LINGO2: variants seen among roughly 807,000 people sequenced by gnomAD.
LINGO2 encodes the protein leucine-rich repeat and immunoglobulin-like domain-containing nogo receptor-interacting protein 2.
Under a neutral mutation model 30.6 loss-of-function variants are expected in LINGO2, and 14 were observed. That is an observed-to-expected ratio of 0.46 (90% CI 0.30 to 0.72). The LOEUF (loss-of-function observed/expected upper bound fraction) is 0.72. LINGO2 is among the 30% of genes least tolerant of loss of function. The pLI is 0.07. For missense variants in LINGO2, 729 were observed against 751.7 expected (o/e 0.97, Z 0.35); for synonymous variants, 317 against 288.5 (o/e 1.10, Z -1.00).
intron 1 of LINGO2, among the ~76,000 whole-genome samples, chr9:28,585,133 A>C (rs4879253): frequency 2.0e-5 from 3 of 152,040 alleles, no homozygotes; most frequent in African/African-American, 7.2e-5. Flanking sequence ...AATTCGTTTC[A>C]TGTAAATGAC....
chr9:28,317,024 G>A (rs1267600290), intron 3 of LINGO2, among the ~76,000 whole-genome samples: 1 of 152,110 alleles, frequency 6.6e-6, no homozygotes. Context: ...TTATCCTTAT[G>A]TTGAAGAGGT....
intron 1 of LINGO2, among the ~76,000 whole-genome samples, chr9:28,577,296 T>TGTC (rs1273931892): frequency 1.3e-5 from 2 of 151,900 alleles, no homozygotes; most frequent in Non-Finnish European, 2.9e-5. Flanking sequence ...TCTTTTGAGT[T>TGTC]GTCTTTTCAG....
At chr9:28,607,146 C>T (rs1825728776) in intron 1 of LINGO2, among the ~76,000 whole-genome samples, 1 of 151,950 alleles carries the variant, frequency 6.6e-6, no homozygotes, top group Non-Finnish European at 1.5e-5. Context: ...CACAATGATC[C>T]ATTGGTGACC....
At chr9:28,844,459 G>A in the LINGO2 span, among the ~76,000 whole-genome samples, 1 of 151,880 alleles carries the variant, frequency 6.6e-6, no homozygotes, top group Admixed American at 6.5e-5. Flanking sequence ...TGACTGAGGA[G>A]TGTTTTTTAA....
chr9:28,588,401 A>G (rs181337435), intron 1 of LINGO2, among the ~76,000 whole-genome samples: 10 of 152,012 alleles, frequency 6.6e-5, no homozygotes, highest in African/African-American at 2.4e-4. Context: ...GTTATCCAGT[A>G]GGATAACAAT....
At chr9:29,010,667 C>CTACT in the LINGO2 span, among the ~76,000 whole-genome samples, 1 of 152,062 alleles carries the variant, frequency 6.6e-6, no homozygotes, top group African/African-American at 2.4e-5. Context: ...GAATCTAAAA[C>CTACT]TACTACTCAA....
At chr9:28,966,927 T>C in the LINGO2 span, among the ~76,000 whole-genome samples, 1 of 152,094 alleles carries the variant, frequency 6.6e-6, no homozygotes. Context: ...AATTGAGTCC[T>C]CCCTTTACTT....
intron 4 of LINGO2, among the ~76,000 whole-genome samples, chr9:28,030,757 C>T (rs1823626636): frequency 6.6e-6 from 1 of 151,934 alleles, no homozygotes. Context: ...ATCAACAGCA[C>T]ACTACATTGT....
the LINGO2 span, among the ~76,000 whole-genome samples, chr9:28,955,703 A>G: frequency 6.6e-6 from 1 of 152,146 alleles, no homozygotes; most frequent in Admixed American, 6.6e-5. Flanking sequence ...AGAACTAAAC[A>G]TATAATTTTC....
At chr9:28,722,178 TG>T in the LINGO2 span, among the ~76,000 whole-genome samples, 2 of 152,112 alleles carry the variant, frequency 1.3e-5, no homozygotes, top group Non-Finnish European at 2.9e-5. Context: ...AAATAAAACT[TG>T]AAAATTGCCT....
At chr9:29,212,605 A>G in the LINGO2 span, among the ~76,000 whole-genome samples, 1 of 151,944 alleles carries the variant, frequency 6.6e-6, no homozygotes, top group South Asian at 2.1e-4. Flanking sequence ...AAAATTTAAA[A>G]AAAAAACCTC....
At chr9:28,057,640 A>ACACATATATATATAT (rs1235437530) in intron 4 of LINGO2, among the ~76,000 whole-genome samples, 3 of 97,678 alleles carry the variant, frequency 3.1e-5, no homozygotes, top group Non-Finnish European at 7.2e-5. Context: ...CACATATATA[A>ACACATATATATATAT]ACCTGTTCAA....
At chr9:28,831,511 T>C in the LINGO2 span, among the ~76,000 whole-genome samples, 10 of 152,198 alleles carry the variant, frequency 6.6e-5, no homozygotes, top group South Asian at 2.1e-3. Context: ...TAGTAGGTAG[T>C]ATAGAGCAGA....
chr9:28,717,032 C>A, the LINGO2 span, among the ~76,000 whole-genome samples: 2 of 151,900 alleles, frequency 1.3e-5, no homozygotes, highest in Non-Finnish European at 2.9e-5. Context: ...GCTGTAAAAA[C>A]AACCAAAGGG....
intron 1 of LINGO2, among the ~76,000 whole-genome samples, chr9:28,519,633 C>G (rs1289886903): frequency 6.6e-6 from 1 of 152,176 alleles, no homozygotes; most frequent in Non-Finnish European, 1.5e-5. Context: ...GTTGTAGAGT[C>G]ATAGAACTGC....
In LINGO2 at chr9:28,315,171, G is replaced by C. The variant is rs1036677400; in HGVS notation, c.-245-19805C>G. On this transcript the variant is annotated intron_variant, in intron 3 of 5. Transcript: ENST00000379992. ...TGTAATCCCAGCACTCTGGGAAGCT[G>C]AGGCGGGAGGATTACAAGGTCAGGA... 1.4e-4 allele frequency among the ~76,000 whole-genome samples: 22 copies of C among 152,016 alleles called. 1 individual carries two copies. Among genetic ancestry groups the C allele is most frequent in the Middle Eastern group, 3.2e-3 (1 of 316 alleles).
the LINGO2 span, among the ~76,000 whole-genome samples, chr9:29,202,146 CAT>C: frequency 1.3e-5 from 2 of 151,348 alleles, no homozygotes; most frequent in African/African-American, 4.9e-5. Context: ...TCCAGGACCA[CAT>C]GATTTGGAAA....
chr9:28,683,965 G>A, the LINGO2 span, among the ~76,000 whole-genome samples: 1 of 151,982 alleles, frequency 6.6e-6, no homozygotes, highest in Non-Finnish European at 1.5e-5. Flanking sequence ...AGTATATGAG[G>A]ATTTATTAAG....
chr9:29,032,310 C>T, the LINGO2 span, among the ~76,000 whole-genome samples: 996 of 152,172 alleles, frequency 6.5e-3, 14 homozygotes, highest in African/African-American at 0.023. Context: ...GTCTGACATT[C>T]CTGCTGTAAT....
Sources: allele counts gnomAD v4.1 joint callset (sites outside exome capture counted in the v4.1 genomes callset), GRCh38; gene constraint gnomAD v4.1.1; transcripts MANE v1.5; gene names NCBI Gene and HGNC (gene_info 2026-07-23, HGNC 2026-07-21).